Variants in MRNIP observed in about 807,000 individuals in gnomAD.
The protein encoded by MRNIP is MRN complex-interacting protein.
MRNIP carries 30 observed loss-of-function variants against 29.8 expected under a neutral mutation model. The ratio of observed to expected loss-of-function variants is 1.01; its 90% CI spans 0.75 to 1.36. The LOEUF (loss-of-function observed/expected upper bound fraction) is 1.36. Among genes scored for constraint, MRNIP ranks in the 40% most tolerant of loss-of-function variants. The pLI is 0.00. For missense variants in MRNIP, 459 were observed against 423.5 expected (o/e 1.08, Z -0.74); for synonymous variants, 201 against 164.1 (o/e 1.23, Z -1.72).
Position 179,846,124 on chromosome 5 carries a change from A to C in MRNIP, c.215+1854T>G, listed in dbSNP as rs1327773159. ...ATCACCCACTTCTTTTATTGGATTA[A>C]ATATATTAAACATGCAATATCATGT... is the stretch of plus-strand genomic sequence containing the variant. On this transcript the variant is annotated intron_variant, in intron 3 of 6. Coordinates refer to ENST00000292586, the MANE Select transcript of MRNIP (RefSeq NM_016175.4). 4.0e-4 allele frequency: 53 copies of C among 132,834 alleles called. 1 individual carries two copies. In the Admixed American group the frequency reaches 4.0e-3, roughly 10 times the overall value. 8.2% of individuals were successfully genotyped at this position (132,834 alleles called of 1,614,324 possible).
chr5:179,852,503 C>T (rs1010570753), intron 2 of MRNIP, among the ~76,000 whole-genome samples: 2 of 152,086 alleles, frequency 1.3e-5, no homozygotes, highest in African/African-American at 2.4e-5. Context: ...CTAGGTGCTG[C>T]GGATACACCA....
chr5:179,858,656 A>C, intron 1 of MRNIP, 75 bp downstream of exon 1: 1 of 993,496 alleles, frequency 1.0e-6, no homozygotes, highest in Non-Finnish European at 1.5e-6. Context: ...ATTCGAGACA[A>C]CACCCACAGC....
At chr5:179,841,187 C>A in intron 5 of MRNIP, 2 of 545,196 alleles carry the variant, frequency 3.7e-6, no homozygotes, top group South Asian at 2.2e-5. Context: ...TCACCGGCAC[C>A]CAGGCTGGAG....
Position 179,837,349 on chromosome 5 carries a change from T to A in MRNIP, c.*42A>T. ...AAGTGCCTTAGGGGAACCCTGTCCC[T>A]CCTAACAAGTGTATCTCGATTAATA... On this transcript the variant is annotated 3_prime_UTR_variant, in exon 7 of 7. Transcript: ENST00000292586. The A allele has an allele frequency of 6.3e-7, 1 of 1,582,302 alleles. No homozygotes were observed. Among genetic ancestry groups the A allele is most frequent in the Non-Finnish European group, 8.6e-7 (1 of 1,164,000 alleles).
intron 6 of MRNIP, 67 bp from the exon 7 acceptor site, chr5:179,837,952 C>T: frequency 6.7e-7 from 1 of 1,493,324 alleles, no homozygotes; most frequent in Non-Finnish European, 9.0e-7. Flanking sequence ...GGACCGCCTG[C>T]CCTGCCTGGG....
chr5:179,848,217 G>A (rs1759210027), intron 2 of MRNIP, 151 bp from the exon 3 acceptor site: 5 of 656,914 alleles, frequency 7.6e-6, no homozygotes, highest in Admixed American at 2.4e-5. Flanking sequence ...AATGACTGAC[G>A]GCTGTCTCTA....
chr5:179,854,817 A>T (rs1212038543), intron 1 of MRNIP, among the ~76,000 whole-genome samples: 1 of 152,198 alleles, frequency 6.6e-6, no homozygotes, highest in Non-Finnish European at 1.5e-5. Flanking sequence ...CGTAACATTT[A>T]TTTTCAATTC....
At chr5:179,840,525 C>T (rs1451200740) in intron 6 of MRNIP, 17 of 441,426 alleles carry the variant, frequency 3.9e-5, no homozygotes, top group South Asian at 1.6e-4. Flanking sequence ...CAGGGCGGCC[C>T]GCTGACGACT....
intron 4 of MRNIP, among the ~76,000 whole-genome samples, chr5:179,842,376 A>G (rs909605359): frequency 5.9e-5 from 9 of 151,838 alleles, no homozygotes; most frequent in Admixed American, 5.9e-4. Flanking sequence ...AAAATAGCAA[A>G]TTTCATTTAT....
chr5:179,838,679 AAAAG>A (rs1043585084), intron 6 of MRNIP: 2 of 151,330 alleles, frequency 1.3e-5, no homozygotes, highest in African/African-American at 2.4e-5. Context: ...TGTCTCAAAA[AAAAG>A]AAAGTTGGGT....
At chr5:179,849,876 C>G (rs1040163705) in intron 2 of MRNIP, among the ~76,000 whole-genome samples, 1 of 62,290 alleles carries the variant, frequency 1.6e-5, no homozygotes, top group African/African-American at 3.7e-5. Flanking sequence ...ACGGGTCCCG[C>G]TATGGCACAG....
intron 1 of MRNIP, among the ~76,000 whole-genome samples, chr5:179,857,466 C>T (rs1196157155): frequency 6.7e-6 from 1 of 149,944 alleles, no homozygotes; most frequent in Non-Finnish European, 1.5e-5. Context: ...GACTCTGTCT[C>T]AAAAACAAAA....
chr5:179,841,777 T>C, intron 5 of MRNIP, 130 bp downstream of exon 5: 1 of 973,428 alleles, frequency 1.0e-6, no homozygotes, highest in South Asian at 1.6e-5. Context: ...GCTGCCCGAT[T>C]TCCCACCTGC....
rs568383793 is a variant in MRNIP, at chr5:179,850,270, G to A, written c.127-2204C>T. Among the ~76,000 whole-genome samples, 4 of 152,358 alleles carry A rather than the reference G, an allele frequency of 2.6e-5. No individual in the cohort carries two copies. The East Asian group carries it at 5.8e-4, about 22-fold the overall frequency. The stretch of plus-strand genomic sequence containing the variant: ...TACGAGATGGAATTTGAGAGCATGC[G>A]TCCTGCTATGGCACAGGCAGAATCA... On this transcript the variant is annotated intron_variant, in intron 2 of 6. Coordinates refer to ENST00000292586, the MANE Select transcript of MRNIP (RefSeq NM_016175.4).
At chr5:179,851,792 C>T (rs1196726522) in intron 2 of MRNIP, among the ~76,000 whole-genome samples, 1 of 151,978 alleles carries the variant, frequency 6.6e-6, no homozygotes, top group Non-Finnish European at 1.5e-5. Context: ...TCCTGGCTAA[C>T]ATGGTGAAAC....
At chr5:179,838,190 T>C in intron 6 of MRNIP, 1 of 442,846 alleles carries the variant, frequency 2.3e-6, no homozygotes. Flanking sequence ...TACAAAAGAA[T>C]TTTGAGCAGA....
intron 1 of MRNIP, 82 bp downstream of exon 1, chr5:179,858,649 C>G (rs919747238): frequency 1.1e-6 from 1 of 934,502 alleles, no homozygotes. Context: ...CGGAGCCATT[C>G]GAGACAACAC....
rs1320642611 is a variant in MRNIP at position 179,849,048 on chromosome 5, A to G, written c.127-982T>C. 6.3e-3 allele frequency among the ~76,000 whole-genome samples: 795 copies of G among 126,504 alleles called. 1 individual carries two copies. The highest frequency in any genetic ancestry group is 9.1e-3 in the Non-Finnish European group (534 of 58,700). The allele number at this position is 126,504 out of a possible 152,430, so 83.0% of individuals were successfully genotyped here. ...CTGCTATGGCACAGGCAGATGGTAC[A>G]AGATGGAATTTGAGAGTACGGGTCC... is the stretch of plus-strand genomic sequence containing the variant. On this transcript the variant is annotated intron_variant, in intron 2 of 6. Transcript: ENST00000292586.
intron 1 of MRNIP, 105 bp downstream of exon 1, chr5:179,858,626 G>T: frequency 2.8e-6 from 2 of 717,450 alleles, no homozygotes; most frequent in Non-Finnish European, 4.4e-6. Flanking sequence ...ACTCCTTCGG[G>T]CCCGGTGCAT....
Sources: gnomAD v4.1 joint callset for allele counts (sites outside exome capture counted in the v4.1 genomes callset) on GRCh38, gnomAD v4.1.1 for gene constraint, MANE v1.5 for transcripts, NCBI Gene and HGNC (gene_info 2026-07-23, HGNC 2026-07-21) for gene names.